The following PTPRD variants were observed in gnomAD, a reference collection of about 807,000 sequenced individuals.
PTPRD encodes receptor-type tyrosine-protein phosphatase delta.
In PTPRD, 34 loss-of-function variants were observed where a neutral mutation model predicts 214.5. The ratio of observed to expected loss-of-function variants is 0.16; its 90% confidence interval spans 0.12 to 0.21. PTPRD has a LOEUF of 0.21. PTPRD is among the 10% of genes least tolerant of loss of function. The probability of loss-of-function intolerance (pLI) is 1.00; values close to 1 mark genes in which losing one functional copy is unlikely to be tolerated. For missense variants in PTPRD, 2,545 were observed against 2,398.7 expected, an observed-to-expected ratio of 1.06 and a Z score of -1.27; for synonymous variants, 1,128 against 845.7, an observed-to-expected ratio of 1.33 and a Z score of -5.79.
chr9:9,052,754 A>G (rs142854463), intron 10 of PTPRD, among the ~76,000 whole-genome samples: 14 of 152,332 alleles, frequency 9.2e-5, no homozygotes, highest in African/African-American at 2.9e-4. Flanking sequence ...CTGATTCCCA[A>G]TGGATAACTT....
chr9:10,580,235 G>C (rs1307994418), intron 2 of PTPRD, among the ~76,000 whole-genome samples: 1 of 152,000 alleles, frequency 6.6e-6, no homozygotes, highest in Non-Finnish European at 1.5e-5. Flanking sequence ...AATAACATTG[G>C]CATCACTATA....
At chr9:8,331,796 C>T (rs1388056042) in intron 43 of PTPRD, 60 bp from the exon 44 acceptor site, 4 of 1,497,764 alleles carry the variant, frequency 2.7e-6, no homozygotes, top group Non-Finnish European at 3.6e-6. Context: ...ATTCAGCAAG[C>T]ATACGGACCA....
At chr9:8,689,981 G>T (rs1334127830) in intron 12 of PTPRD, among the ~76,000 whole-genome samples, 1 of 151,864 alleles carries the variant, frequency 6.6e-6, no homozygotes, top group Non-Finnish European at 1.5e-5. Context: ...AGTGGCATGT[G>T]CCTGTAGTCC....
chr9:10,418,446 TACACACACACACACAC>T lies in PTPRD; in HGVS notation c.-599-77445_-599-77430del, dbSNP rs3076350. On this transcript the variant is annotated intron_variant, in intron 2 of 45. Coordinates refer to ENST00000381196, the MANE Select transcript of PTPRD (RefSeq NM_002839.4). ...ACATTTAAAATGAAGCCTTCCCCTC[TACACACACACACACAC>T]ACACACACACACACACACACACACA... Among the ~76,000 whole-genome samples the T allele has an allele frequency of 2.8e-3, 349 of 124,734 alleles. 1 individual carries two copies. Among genetic ancestry groups the T allele is most frequent in the African/African-American group, 7.8e-3 (254 of 32,536 alleles). The allele number at this position is 124,734 out of a possible 152,430, so 81.8% of individuals were successfully genotyped here.
intron 3 of PTPRD, among the ~76,000 whole-genome samples, chr9:10,143,787 G>A (rs2099004064): frequency 6.6e-6 from 1 of 152,050 alleles, no homozygotes; most frequent in Non-Finnish European, 1.5e-5. Flanking sequence ...ATTATCCTAA[G>A]CAAACTAACA....
At chr9:8,330,640 G>C (rs1407355871) in intron 44 of PTPRD, among the ~76,000 whole-genome samples, 1 of 152,082 alleles carries the variant, frequency 6.6e-6, no homozygotes, top group East Asian at 1.9e-4. Flanking sequence ...GATGCTAGAA[G>C]GGACTTTAAA....
chr9:9,335,784 C>G (rs933112434), intron 9 of PTPRD, among the ~76,000 whole-genome samples: 9 of 151,914 alleles, frequency 5.9e-5, no homozygotes. Flanking sequence ...AATGAGGACC[C>G]AGAAACTAGA....
chr9:10,163,816 G>C (rs1001392401), intron 3 of PTPRD, among the ~76,000 whole-genome samples: 5 of 151,472 alleles, frequency 3.3e-5, no homozygotes, highest in African/African-American at 1.2e-4. Flanking sequence ...AAATATCCAA[G>C]TCATATGTTC....
chr9:8,568,309 T>C (rs1470287426), intron 14 of PTPRD, among the ~76,000 whole-genome samples: 1 of 152,130 alleles, frequency 6.6e-6, no homozygotes, highest in Admixed American at 6.6e-5. Flanking sequence ...ATGAATACTG[T>C]GGCAGATTCC....
intron 7 of PTPRD, among the ~76,000 whole-genome samples, chr9:9,591,725 G>T (rs2092750682): frequency 6.6e-6 from 1 of 152,022 alleles, no homozygotes; most frequent in African/African-American, 2.4e-5. Context: ...GGTACAGTGG[G>T]ATGTTTCCAT....
chr9:8,687,779 G>C lies in PTPRD; in HGVS notation c.64+46001C>G, dbSNP rs189005693. Among the ~76,000 whole-genome samples, 3 of 151,470 alleles carry C rather than the reference G, an allele frequency of 2.0e-5. No homozygotes were observed. The South Asian group carries it at 6.2e-4, about 32-fold the overall frequency. ...TCTCAACTAGTCTCCTTTTCTCAGA[G>C]TAAGTTTCACATTTTATATACTACT... On this transcript the variant is annotated intron_variant, in intron 12 of 45. Coordinates refer to ENST00000381196, the MANE Select transcript of PTPRD (RefSeq NM_002839.4).
rs543091405 is a variant in PTPRD, at chr9:10,033,931, A to T, written c.-544-141T>A. On this transcript the variant is annotated intron_variant, in intron 3 of 45. Transcript: ENST00000381196. ...AAATGAAATTAACAAATTAGGGCTA[A>T]GAAATGATACCTTAAAATGAGAGTC... 13 of 152,274 alleles carry T rather than the reference A, an allele frequency of 8.5e-5. No individual in the cohort carries two copies. The South Asian group carries it at 2.7e-3, about 32-fold the overall frequency. 9.4% of individuals were successfully genotyped at this position (152,274 alleles called of 1,614,324 possible).
intron 10 of PTPRD, among the ~76,000 whole-genome samples, chr9:9,128,072 G>T (rs1386398934): frequency 6.6e-6 from 1 of 151,952 alleles, no homozygotes; most frequent in Non-Finnish European, 1.5e-5. Context: ...AAAAGATGTG[G>T]GCATGACAAG....
At chr9:10,368,442 G>A (rs2097552954) in intron 2 of PTPRD, among the ~76,000 whole-genome samples, 1 of 151,974 alleles carries the variant, frequency 6.6e-6, no homozygotes. Context: ...AGTACATGAT[G>A]GATAGTAAAT....
At chr9:10,440,080 A>C (rs545194276) in intron 2 of PTPRD, among the ~76,000 whole-genome samples, 1 of 151,512 alleles carries the variant, frequency 6.6e-6, no homozygotes, top group South Asian at 2.1e-4. Context: ...AAATATCCTA[A>C]TTAAGCTTTT....
At chr9:9,245,056 T>G (rs2099972366) in intron 9 of PTPRD, among the ~76,000 whole-genome samples, 1 of 152,154 alleles carries the variant, frequency 6.6e-6, no homozygotes, top group Non-Finnish European at 1.5e-5. Context: ...TCACTGGCCA[T>G]CAGAGAAATG....
At chr9:9,241,338 A>C (rs916609990) in intron 9 of PTPRD, among the ~76,000 whole-genome samples, 1 of 152,202 alleles carries the variant, frequency 6.6e-6, no homozygotes, top group East Asian at 1.9e-4. Context: ...ATTATTTGTG[A>C]GTATTCTCAT....
intron 11 of PTPRD, among the ~76,000 whole-genome samples, chr9:8,760,964 T>C (rs2094377492): frequency 6.6e-6 from 1 of 152,214 alleles, no homozygotes; most frequent in Admixed American, 6.5e-5. Context: ...TTAAAATATA[T>C]GATTTCATGA....
At chr9:9,836,733 A>G (rs994715565) in intron 5 of PTPRD, among the ~76,000 whole-genome samples, 8 of 152,156 alleles carry the variant, frequency 5.3e-5, no homozygotes, top group Admixed American at 2.6e-4. Context: ...AATTTGAGCA[A>G]GTTATATAAA....
Sources: allele counts gnomAD v4.1 joint callset (sites outside exome capture counted in the v4.1 genomes callset), GRCh38; gene constraint gnomAD v4.1.1; transcripts MANE v1.5; gene names NCBI Gene and HGNC (gene_info 2026-07-23, HGNC 2026-07-21).